Variants in MARCHF3 observed in about 807,000 individuals in gnomAD.
MARCHF3 encodes the protein E3 ubiquitin-protein ligase MARCHF3.
Under a neutral mutation model 24.2 loss-of-function variants are expected in MARCHF3, and 13 were observed. That is an observed-to-expected ratio of 0.54 (90% confidence interval 0.35 to 0.85). The LOEUF is 0.85. MARCHF3 is among the 40% of genes least tolerant of loss of function. The pLI is 0.01. For synonymous variants in MARCHF3, 144 were observed against 137.3 expected, an observed-to-expected ratio of 1.05 and a Z score of -0.34; for missense variants, 276 against 325.0, an observed-to-expected ratio of 0.85 and a Z score of 1.16.
At chr5:126,979,687 G>C (rs57081850) in intron 1 of MARCHF3, among the ~76,000 whole-genome samples, 1 of 151,988 alleles carries the variant, frequency 6.6e-6, no homozygotes, top group Non-Finnish European at 1.5e-5. Context: ...AGTGGCTCAC[G>C]CCTGTAATCC....
intron 3 of MARCHF3, among the ~76,000 whole-genome samples, chr5:126,905,503 T>G (rs1754257880): frequency 6.6e-6 from 1 of 151,188 alleles, no homozygotes; most frequent in South Asian, 2.1e-4. Flanking sequence ...AGCAGTGGTT[T>G]GTAGTTCTCC....
chr5:127,007,757 ATT>A (rs906474979), intron 1 of MARCHF3, among the ~76,000 whole-genome samples: 1 of 152,200 alleles, frequency 6.6e-6, no homozygotes, highest in Non-Finnish European at 1.5e-5. Flanking sequence ...CTTCAATCAC[ATT>A]TTGTTTTTGT....
Position 126,889,179 on chromosome 5 carries a change from G to A in MARCHF3, c.394-10785C>T, listed in dbSNP as rs566569861. On this transcript the variant is annotated intron_variant, in intron 3 of 4. Coordinates refer to ENST00000308660, the MANE Select transcript of MARCHF3 (RefSeq NM_178450.5). ...ACTGGTGTCTAATGACCACTCCGTT[G>A]GACTGCTGTTGGAGTCTGGGTTTCT... 4.6e-5 allele frequency among the ~76,000 whole-genome samples: 7 copies of A among 152,110 alleles called. No individual in the cohort carries two copies. The East Asian group carries it at 9.7e-4, about 21-fold the overall frequency.
intron 1 of MARCHF3, among the ~76,000 whole-genome samples, chr5:126,973,432 G>T (rs1033984752): frequency 6.6e-6 from 1 of 152,218 alleles, no homozygotes; most frequent in Non-Finnish European, 1.5e-5. Flanking sequence ...CTGCCAGGTG[G>T]AGCAATCCAG....
chr5:126,944,762 G>T (rs1346510253), intron 1 of MARCHF3, among the ~76,000 whole-genome samples: 3 of 152,078 alleles, frequency 2.0e-5, no homozygotes, highest in African/African-American at 7.2e-5. Context: ...TTCACCTCTA[G>T]GACATCCAGT....
intron 1 of MARCHF3, among the ~76,000 whole-genome samples, chr5:126,947,622 C>T (rs201181184): frequency 5.5e-4 from 84 of 152,254 alleles, no homozygotes; most frequent in Non-Finnish European, 1.1e-3. Context: ...AAAGGCCGTA[C>T]GTGTGCACAG....
intron 3 of MARCHF3, among the ~76,000 whole-genome samples, chr5:126,907,202 T>C (rs1259563940): frequency 6.7e-6 from 1 of 148,810 alleles, no homozygotes; most frequent in African/African-American, 2.5e-5. Context: ...ATAATTTCTG[T>C]TCTTTTACAT....
At chr5:126,951,899 T>C (rs1448672906) in intron 1 of MARCHF3, among the ~76,000 whole-genome samples, 1 of 152,004 alleles carries the variant, frequency 6.6e-6, no homozygotes, top group Non-Finnish European at 1.5e-5. Flanking sequence ...CAGGCTGGAG[T>C]GCAATGGCAC....
chr5:126,885,529 T>G (rs763977899), intron 3 of MARCHF3, among the ~76,000 whole-genome samples: 2 of 123,312 alleles, frequency 1.6e-5, no homozygotes, highest in Non-Finnish European at 3.6e-5. Context: ...ATTGTGCCAT[T>G]GCATTCCAGC....
rs113060207 is a variant in MARCHF3, at chr5:126,914,006, C to T, written c.393+924G>A. ...TTTTTTTTTTTTTTTTTTTTTGAGA[C>T]GGAGTCTTGCTCTGTCACCCAGGCT... On this transcript the variant is annotated intron_variant, in intron 3 of 4. Coordinates refer to ENST00000308660, the MANE Select transcript of MARCHF3 (RefSeq NM_178450.5). Among the ~76,000 whole-genome samples the T allele has an allele frequency of 7.4e-3, 829 of 112,126 alleles. 13 individuals are homozygous for T. The highest frequency in any genetic ancestry group is 0.026 in the African/African-American group (747 of 28,318). The allele number at this position is 112,126 out of a possible 152,430, so 73.6% of individuals were successfully genotyped here. A position where few individuals can be genotyped will look rare whatever the true frequency, so the allele number is the denominator to read the frequency against.
At chr5:126,943,669 A>G (rs979680506) in intron 1 of MARCHF3, among the ~76,000 whole-genome samples, 9 of 152,260 alleles carry the variant, frequency 5.9e-5, no homozygotes, top group African/African-American at 1.9e-4. Context: ...ATCTTATTGA[A>G]TCCTTATAAT....
intron 1 of MARCHF3, among the ~76,000 whole-genome samples, chr5:127,002,542 C>G (rs1307169438): frequency 6.6e-6 from 1 of 152,206 alleles, no homozygotes; most frequent in African/African-American, 2.4e-5. Context: ...CAGCCCCAAA[C>G]TGGAGTAAAC....
chr5:126,966,103 G>A (rs1750804823), intron 1 of MARCHF3, among the ~76,000 whole-genome samples: 1 of 152,188 alleles, frequency 6.6e-6, no homozygotes, highest in African/African-American at 2.4e-5. Context: ...TTTACAGCAT[G>A]AGTCTGCTTA....
chr5:127,015,557 A>G (rs1286559670), intron 1 of MARCHF3, among the ~76,000 whole-genome samples: 1 of 152,234 alleles, frequency 6.6e-6, no homozygotes, highest in Admixed American at 6.5e-5. Flanking sequence ...GAAGGTCCCA[A>G]GCTGAAAGCC....
intron 1 of MARCHF3, among the ~76,000 whole-genome samples, chr5:126,987,722 C>A (rs982241734): frequency 2.6e-5 from 4 of 152,144 alleles, no homozygotes; most frequent in African/African-American, 7.2e-5. Context: ...AAACCCCAGG[C>A]CCACTGGGAA....
rs1554118635 is a variant in MARCHF3, at chr5:126,869,581, G to GGTTTT, written c.*1051_*1052insAAAAC. 4.8e-5 allele frequency: 1 copy of GGTTTT among 20,920 alleles called. No individual in the cohort carries two copies. Among genetic ancestry groups the GGTTTT allele is most frequent in the Non-Finnish European group, 9.8e-5 (1 of 10,202 alleles). The allele number at this position is 20,920 out of a possible 1,614,324, so 1.3% of individuals were successfully genotyped here. On this transcript the variant is annotated 3_prime_UTR_variant, in exon 5 of 5. Transcript: ENST00000308660. ...AATAAGTGCAGGGCTGCTAGGACAG[G>GGTTTT]CTTTTTTTTTTTTTTTTTTTTTTGC...
intron 1 of MARCHF3, among the ~76,000 whole-genome samples, chr5:126,950,537 T>C (rs1184749528): frequency 1.3e-5 from 2 of 152,126 alleles, no homozygotes; most frequent in African/African-American, 4.8e-5. Flanking sequence ...TGTCTGTCTC[T>C]ATTGACTCTG....
chr5:126,937,889 A>G (rs1015340314), intron 1 of MARCHF3, among the ~76,000 whole-genome samples: 2 of 152,272 alleles, frequency 1.3e-5, no homozygotes, highest in South Asian at 4.1e-4. Flanking sequence ...CCACAAAAAA[A>G]CTCCTGAGTT....
At chr5:126,911,041 A>C (rs529905169) in intron 3 of MARCHF3, among the ~76,000 whole-genome samples, 76 of 152,330 alleles carry the variant, frequency 5.0e-4, no homozygotes, top group African/African-American at 1.7e-3. Context: ...TAGCACTCCC[A>C]GGCTTATTAG....
Sources: allele counts gnomAD v4.1 joint callset (sites outside exome capture counted in the v4.1 genomes callset), GRCh38; gene constraint gnomAD v4.1.1; transcripts MANE v1.5; gene names NCBI Gene and HGNC (gene_info 2026-07-23, HGNC 2026-07-21).